Variants in DSG1 observed in about 807,000 individuals in gnomAD.
DSG1 encodes desmoglein 1, also known as desmoglein-1.
DSG1 carries 39 observed loss-of-function variants against 97.5 expected under a neutral mutation model. The observed-to-expected ratio is 0.40, with a 90% CI of 0.31 to 0.52. The LOEUF (loss-of-function observed/expected upper bound fraction) is 0.52, where lower values mean the gene tolerates loss of function less well. Among genes scored for constraint, DSG1 ranks in the 20% least tolerant of loss-of-function variants. The pLI, the probability that DSG1 is intolerant of heterozygous loss-of-function variation, is 0.53. For synonymous variants in DSG1, 475 were observed against 443.4 expected (o/e 1.07, Z -0.90); for missense variants, 1,311 against 1,295.4 (o/e 1.01, Z -0.18).
intron 3 of DSG1, among the ~76,000 whole-genome samples, chr18:31,327,475 C>A (rs2071692963): frequency 6.6e-6 from 1 of 152,036 alleles, no homozygotes; most frequent in African/African-American, 2.4e-5. Context: ...CTCAGAAACA[C>A]CCCCCACAAA....
At chr18:31,349,122 C>T (rs2071870991) in intron 14 of DSG1, among the ~76,000 whole-genome samples, 5 of 123,664 alleles carry the variant, frequency 4.0e-5, no homozygotes, top group South Asian at 3.0e-4. Context: ...GTCTTTAATC[C>T]ATCTTGAATT....
chr18:31,333,796 A>G, intron 7 of DSG1, 73 bp downstream of exon 7: 1 of 1,550,668 alleles, frequency 6.4e-7, no homozygotes, highest in South Asian at 1.1e-5. Flanking sequence ...AATTCTGCTT[A>G]CAGAGGCACA....
rs775786064 is a variant in DSG1 at position 31,327,017 on chromosome 18, C to T, written c.216+12C>T. On this transcript the variant is annotated intron_variant, in intron 3 of 14. Transcript: ENST00000257192. ...ACCCAATCGCCAAAGTAGGTATCAA[C>T]TCCAAAGCATAACATTGAAAATCAG... 1.9e-6 allele frequency: 3 copies of T among 1,613,486 alleles called. No homozygotes were observed. The highest frequency in any genetic ancestry group is 2.5e-6 in the Non-Finnish European group (3 of 1,179,696).
chr18:31,344,277 T>C (rs950632826), intron 13 of DSG1, among the ~76,000 whole-genome samples: 6 of 152,112 alleles, frequency 3.9e-5, no homozygotes, highest in Admixed American at 6.6e-5. Flanking sequence ...TAACCATGAG[T>C]AAGTTTTAGT....
rs1285165683 is a variant in DSG1, at chr18:31,356,604, C to A, written c.*1258C>A. 1 of 152,104 alleles carries A rather than the reference C, an allele frequency of 6.6e-6. No individual in the cohort carries two copies. Among genetic ancestry groups the A allele is most frequent in the Non-Finnish European group, 1.5e-5 (1 of 68,012 alleles). 9.4% of individuals were successfully genotyped at this position (152,104 alleles called of 1,614,324 possible). A position where few individuals can be genotyped will look rare whatever the true frequency, so the allele number is the denominator to read the frequency against. On this transcript the variant is annotated 3_prime_UTR_variant, in exon 15 of 15. Coordinates refer to ENST00000257192, the MANE Select transcript of DSG1 (RefSeq NM_001942.4). ...CATTTTGCAGGAATCAACCAGGAAC[C>A]TTTAGCAGAATTGACAATATGGTGT...
At chr18:31,332,255 C>T (rs2071726042) in intron 6 of DSG1, among the ~76,000 whole-genome samples, 2 of 152,056 alleles carry the variant, frequency 1.3e-5, no homozygotes, top group African/African-American at 4.8e-5. Flanking sequence ...ACAGTGCATG[C>T]GAGTATGCTG....
At chr18:31,335,076 A>G (rs542052846) in intron 8 of DSG1, among the ~76,000 whole-genome samples, 1 of 152,276 alleles carries the variant, frequency 6.6e-6, no homozygotes, top group South Asian at 2.1e-4. Context: ...CCCCATACGA[A>G]TGTGTGGCTT....
chr18:31,320,833 A>G (rs1362758153), intron 1 of DSG1, among the ~76,000 whole-genome samples: 3 of 152,194 alleles, frequency 2.0e-5, no homozygotes, highest in African/African-American at 7.2e-5. Flanking sequence ...CAGCATGGTC[A>G]CTGTGGGAAA....
chr18:31,355,466 T>C lies in DSG1; in HGVS notation c.*120T>C. ...GTGCTCAGGTCATCTAGGAGCAAGG[T>C]GAGAAATCACAATGAGAAAAATAAA... On this transcript the variant is annotated 3_prime_UTR_variant, in exon 15 of 15. Coordinates refer to ENST00000257192, the MANE Select transcript of DSG1 (RefSeq NM_001942.4). 1.0e-6 allele frequency: 1 copy of C among 985,654 alleles called. No individual in the cohort carries two copies. Among genetic ancestry groups the C allele is most frequent in the Non-Finnish European group, 1.6e-6 (1 of 645,156 alleles). 61.1% of individuals were successfully genotyped at this position (985,654 alleles called of 1,614,324 possible).
chr18:31,343,229 A>T, intron 11 of DSG1: 1 of 565,806 alleles, frequency 1.8e-6, no homozygotes. Flanking sequence ...TGTAATTTTT[A>T]ATACTATAAA....
At chr18:31,325,292 A>G (rs1413277756) in intron 1 of DSG1, among the ~76,000 whole-genome samples, 2 of 152,238 alleles carry the variant, frequency 1.3e-5, no homozygotes, top group Non-Finnish European at 2.9e-5. Flanking sequence ...TTTCTTAGTC[A>G]TCTGCATAGC....
intron 6 of DSG1, among the ~76,000 whole-genome samples, chr18:31,332,739 AAT>A (rs1309716965): frequency 6.6e-6 from 1 of 152,152 alleles, no homozygotes; most frequent in African/African-American, 2.4e-5. Context: ...ATATTATTTT[AAT>A]ACTCTTTAAT....
In DSG1 at chr18:31,354,890, A is replaced by G. The variant is rs2071940502; in HGVS notation, c.2694A>G (p.Val898=). 1 of 1,614,080 alleles carries G rather than the reference A, an allele frequency of 6.2e-7. No individual in the cohort carries two copies. Among genetic ancestry groups the G allele is most frequent in the African/African-American group, 1.3e-5 (1 of 74,920 alleles). ...CGAATGTTATAGTGACAGAAAGGGT[A>G]ATAGCACCAAGCTCTAGTCTACCCA... is the stretch of plus-strand genomic sequence containing the variant. ...DGSNVIVTER[V]IAPSSSLPTS... is the part of the protein sequence containing the mutation. The change falls in exon 15 of 15, where the codon GTA becomes GTG. Residue 898 remains valine, a synonymous_variant. Coordinates refer to ENST00000257192, the MANE Select transcript of DSG1 (RefSeq NM_001942.4).
Position 31,336,503 on chromosome 18 carries a change from T to A in DSG1, c.1155T>A (p.Phe385Leu), listed in dbSNP as rs768303232. ...TVLNVIEGPV[F>L]RPGSKTYVVT... ...TAAATGTAATTGAAGGCCCAGTGTT[T>A]CGTCCAGGTTCAAAGACATATGTTG... The change falls in exon 9 of 15, where the codon TTT (phenylalanine) becomes TTA (leucine). Residue 385 changes from phenylalanine to leucine, a missense_variant. By Grantham distance (22) the Phe-to-Leu change is conservative. This residue lies in a region of DSG1 where 1,038 missense variants were observed against 964.6 expected (regional missense o/e 1.08). Coordinates refer to ENST00000257192, the MANE Select transcript of DSG1 (RefSeq NM_001942.4). 7 of 1,614,078 alleles carry A rather than the reference T, an allele frequency of 4.3e-6. No individual in the cohort carries two copies. The highest frequency in any genetic ancestry group is 5.9e-6 in the Non-Finnish European group (7 of 1,179,956).
rs7237383 is a variant in DSG1, at chr18:31,336,056, C to A, written c.1006-298C>A. 0.41 allele frequency among the ~76,000 whole-genome samples: 62,673 copies of A among 151,516 alleles called. 14,145 individuals are homozygous for A. The highest frequency in any genetic ancestry group is 0.5 in the Non-Finnish European group (33,588 of 67,756). On this transcript the variant is annotated intron_variant, in intron 8 of 14. Transcript: ENST00000257192. ...TTGTCTTTGCACTAAAAAATACATA[C>A]ATTTGACTATCTGTATTATTCTAAG...
intron 13 of DSG1, 58 bp downstream of exon 13, chr18:31,344,053 CTCTT>C (rs2071810913): frequency 8.1e-7 from 1 of 1,232,898 alleles, no homozygotes; most frequent in Middle Eastern, 2.0e-4. Flanking sequence ...TCTATTTTCT[CTCTT>C]TGATTATTGT....
In DSG1 at chr18:31,356,412, T is replaced by G. The variant is rs1339097685; in HGVS notation, c.*1066T>G. On this transcript the variant is annotated 3_prime_UTR_variant, in exon 15 of 15. Transcript: ENST00000257192. ...AAAGAAGCAGCAGCTTGTAGTATGC[T>G]TAAGCTTTGGGGAATTTTTTTTTAA... 4 of 152,128 alleles carry G rather than the reference T, an allele frequency of 2.6e-5. No homozygotes were observed. Among genetic ancestry groups the G allele is most frequent in the African/African-American group, 9.7e-5 (4 of 41,440 alleles). The allele number at this position is 152,128 out of a possible 1,614,324, so 9.4% of individuals were successfully genotyped here.
rs1178110401 is a variant in DSG1, at chr18:31,356,572, C to T, written c.*1226C>T. On this transcript the variant is annotated 3_prime_UTR_variant, in exon 15 of 15. Coordinates refer to ENST00000257192, the MANE Select transcript of DSG1 (RefSeq NM_001942.4). ...AAGTAGTGGTTGCTTTAGCAAACCTCTGCTGCCATTTTGCAGGAATCAACC... is the reference window on the plus strand; with the variant it reads ...AAGTAGTGGTTGCTTTAGCAAACCTTTGCTGCCATTTTGCAGGAATCAACC... 1 of 152,152 alleles carries T rather than the reference C, an allele frequency of 6.6e-6. No individual in the cohort carries two copies. The highest frequency in any genetic ancestry group is 1.5e-5 in the Non-Finnish European group (1 of 68,024). The allele number at this position is 152,152 out of a possible 1,614,324, so 9.4% of individuals were successfully genotyped here.
At position 31,339,196 on chromosome 18, in the gene DSG1, C is replaced by A. The variant is rs552384964; in HGVS notation, c.1406-548C>A. On this transcript the variant is annotated intron_variant, in intron 10 of 14. Coordinates refer to ENST00000257192, the MANE Select transcript of DSG1 (RefSeq NM_001942.4). ...ATAATAGGCAACAGGGTAAGTAAAC[C>A]ATGGTCCATTTGATATAAAATTATA... Among the ~76,000 whole-genome samples the A allele has an allele frequency of 2.0e-5, 3 of 151,800 alleles. No individual in the cohort carries two copies. In the South Asian group the frequency reaches 6.2e-4, roughly 32 times the overall value.
Sources: allele counts gnomAD v4.1 joint callset (sites outside exome capture counted in the v4.1 genomes callset), GRCh38; gene constraint gnomAD v4.1.1; regional missense constraint gnomAD v4.1.1; transcripts MANE v1.5; gene names NCBI Gene and HGNC (gene_info 2026-07-23, HGNC 2026-07-21).